PIP5K1B: variants seen among roughly 807,000 people sequenced by gnomAD.
PIP5K1B encodes the protein phosphatidylinositol 4-phosphate 5-kinase type-1 beta.
PIP5K1B carries 42 observed loss-of-function variants against 67.0 expected under a neutral mutation model. The ratio of observed to expected loss-of-function variants is 0.63; its 90% CI spans 0.49 to 0.81. PIP5K1B has a LOEUF of 0.81. PIP5K1B is among the 30% of genes least tolerant of loss of function. PIP5K1B has a pLI of 0.00. For synonymous variants in PIP5K1B, 214 were observed against 231.4 expected (o/e 0.92, Z 0.68); for missense variants, 459 against 646.3 (o/e 0.71, Z 3.14).
rs1827067135 is a variant in PIP5K1B, at chr9:68,705,321, T to TCGGTCCC, written c.-679_-673dup. 1 of 151,108 alleles carries TCGGTCCC rather than the reference T, an allele frequency of 6.6e-6. No homozygotes were observed. The highest frequency in any genetic ancestry group is 2.1e-4 in the South Asian group (1 of 4,822). The allele number at this position is 151,108 out of a possible 1,614,324, so 9.4% of individuals were successfully genotyped here. On this transcript the variant is annotated 5_prime_UTR_variant, in exon 1 of 16. Transcript: ENST00000265382. ...CCGGCGGGCGCCGCTGCTGCTCCTC[T>TCGGTCCC]CGGTCCCCGGTTCCCGGTCCCCGAA... is the stretch of plus-strand genomic sequence containing the variant.
intron 8 of PIP5K1B, among the ~76,000 whole-genome samples, chr9:68,916,717 C>T (rs1826112581): frequency 6.6e-6 from 1 of 151,768 alleles, no homozygotes. Flanking sequence ...ACTAAAAATA[C>T]AAAAATTAGC....
At chr9:68,815,267 T>A (rs1339608402) in intron 2 of PIP5K1B, among the ~76,000 whole-genome samples, 4 of 147,176 alleles carry the variant, frequency 2.7e-5, no homozygotes, top group Admixed American at 6.8e-5. Flanking sequence ...TTGGTACTAT[T>A]AAAAAAAAAA....
chr9:68,934,744 C>A, intron 12 of PIP5K1B, 146 bp from the exon 13 acceptor site: 1 of 497,582 alleles, frequency 2.0e-6, no homozygotes, highest in South Asian at 6.3e-5. Context: ...GTTCATCTCC[C>A]TTTCCATATA....
chr9:68,953,264 C>CT (rs942495673), intron 14 of PIP5K1B, among the ~76,000 whole-genome samples: 3 of 151,954 alleles, frequency 2.0e-5, no homozygotes, highest in African/African-American at 7.2e-5. Context: ...TATAAGAATT[C>CT]TTTTTTTGTT....
intron 2 of PIP5K1B, among the ~76,000 whole-genome samples, chr9:68,804,200 A>T (rs1832746661): frequency 6.6e-6 from 1 of 152,158 alleles, no homozygotes; most frequent in Non-Finnish European, 1.5e-5. Flanking sequence ...GGTCTCAGGA[A>T]GGAGTTCACA....
At chr9:68,960,483 A>G (rs1828658294) in intron 14 of PIP5K1B, among the ~76,000 whole-genome samples, 1 of 151,192 alleles carries the variant, frequency 6.6e-6, no homozygotes, top group Admixed American at 6.6e-5. Flanking sequence ...TGATGATTTC[A>G]TTGCCTCTGT....
chr9:68,842,131 A>C (rs1471091076), intron 4 of PIP5K1B, among the ~76,000 whole-genome samples: 1 of 152,186 alleles, frequency 6.6e-6, no homozygotes, highest in Non-Finnish European at 1.5e-5. Flanking sequence ...GGCATTTCTC[A>C]TGCTTGGATG....
At chr9:68,784,328 A>G (rs1408505824) in intron 2 of PIP5K1B, 1 of 167,064 alleles carries the variant, frequency 6.0e-6, no homozygotes, top group Non-Finnish European at 1.5e-5. Flanking sequence ...TTTAAAGTAC[A>G]GTTTGTCATA....
chr9:68,967,645 C>A (rs1295641260), intron 14 of PIP5K1B, among the ~76,000 whole-genome samples: 1 of 152,184 alleles, frequency 6.6e-6, no homozygotes, highest in African/African-American at 2.4e-5. Context: ...GGGTGAGAAT[C>A]CAGCAGTTCA....
At chr9:69,006,772 G>C (rs892336178) in intron 15 of PIP5K1B, among the ~76,000 whole-genome samples, 1 of 152,212 alleles carries the variant, frequency 6.6e-6, no homozygotes, top group Non-Finnish European at 1.5e-5. Context: ...TCTATAGAAC[G>C]AGGAAAGCAA....
intron 1 of PIP5K1B, among the ~76,000 whole-genome samples, chr9:68,721,174 G>T (rs947957074): frequency 2.0e-5 from 3 of 152,176 alleles, no homozygotes; most frequent in Non-Finnish European, 4.4e-5. Flanking sequence ...AGGCAATGAG[G>T]CAACAACTAG....
intron 14 of PIP5K1B, among the ~76,000 whole-genome samples, chr9:68,977,777 C>T (rs1829701681): frequency 6.6e-6 from 1 of 151,272 alleles, no homozygotes; most frequent in Admixed American, 6.6e-5. Flanking sequence ...GCCTCAGCCT[C>T]CCGAGTAGCT....
intron 4 of PIP5K1B, among the ~76,000 whole-genome samples, chr9:68,827,113 A>G (rs1197850459): frequency 6.6e-6 from 1 of 152,168 alleles, no homozygotes; most frequent in East Asian, 1.9e-4. Context: ...TCTTGATGTC[A>G]GGGAGTCCAA....
chr9:68,764,439 G>T (rs1417307202), intron 2 of PIP5K1B, among the ~76,000 whole-genome samples: 4 of 152,010 alleles, frequency 2.6e-5, no homozygotes, highest in Non-Finnish European at 5.9e-5. Context: ...TCTGTTTGAG[G>T]ACCTGTAGTT....
chr9:68,991,163 C>G lies in PIP5K1B; in HGVS notation c.1526C>G (p.Thr509Arg). The G allele has an allele frequency of 6.2e-7, 1 of 1,606,064 alleles. No individual in the cohort carries two copies. Among genetic ancestry groups the G allele is most frequent in the Non-Finnish European group, 8.5e-7 (1 of 1,172,644 alleles). ...AGCAAAGGGTTACCTTCCAGTTCAACATTTACCTTGGAAGAGGGGACCATC... is the reference window on the plus strand; with the variant it reads ...AGCAAAGGGTTACCTTCCAGTTCAAGATTTACCTTGGAAGAGGGGACCATC... ...SNSKGLPSSS[T>R]FTLEEGTIYL... The change falls in exon 15 of 16, where the codon ACA (threonine) becomes AGA (arginine). Residue 509 changes from threonine (T) to arginine (R), a missense_variant. Coordinates refer to ENST00000265382, the MANE Select transcript of PIP5K1B (RefSeq NM_003558.4).
chr9:68,796,700 C>T (rs1435708451), intron 2 of PIP5K1B, among the ~76,000 whole-genome samples: 2 of 152,162 alleles, frequency 1.3e-5, no homozygotes, highest in African/African-American at 4.8e-5. Context: ...GTCAGTGATC[C>T]TTACCATTGT....
intron 14 of PIP5K1B, among the ~76,000 whole-genome samples, chr9:68,941,974 G>A (rs990759810): frequency 3.9e-5 from 6 of 152,174 alleles, no homozygotes; most frequent in Admixed American, 6.5e-5. Context: ...AAGGTGAGCC[G>A]CAAATCTTAG....
intron 2 of PIP5K1B, among the ~76,000 whole-genome samples, chr9:68,794,048 G>T (rs916986604): frequency 6.6e-6 from 1 of 152,212 alleles, no homozygotes; most frequent in Non-Finnish European, 1.5e-5. Flanking sequence ...GTCAGTTGCA[G>T]CTGATCTGAC....
At chr9:68,944,094 T>G (rs975132682) in intron 14 of PIP5K1B, among the ~76,000 whole-genome samples, 1 of 152,178 alleles carries the variant, frequency 6.6e-6, no homozygotes, top group East Asian at 1.9e-4. Context: ...ACCTACTGAT[T>G]GGGAGTACAT....
Sources: gnomAD v4.1 joint callset for allele counts (sites outside exome capture counted in the v4.1 genomes callset) on GRCh38, gnomAD v4.1.1 for gene constraint, MANE v1.5 for transcripts, NCBI Gene and HGNC (gene_info 2026-07-23, HGNC 2026-07-21) for gene names.